Variants in SGPP2 observed in about 807,000 individuals in gnomAD.
SGPP2 encodes the protein sphingosine-1-phosphate phosphatase 2, also known as sphingosine 1-phosphate phosphohydrolase 2.
Under a neutral mutation model 33.9 loss-of-function variants are expected in SGPP2, and 30 were observed. That is an observed-to-expected ratio of 0.89 (90% CI 0.66 to 1.20). SGPP2 has a LOEUF of 1.20. SGPP2 is among the 50% of genes most tolerant of loss of function. The pLI is 0.00. For synonymous variants in SGPP2, 233 were observed against 225.0 expected, an observed-to-expected ratio of 1.04 and a Z score of -0.32; for missense variants, 458 against 532.1, an observed-to-expected ratio of 0.86 and a Z score of 1.37.
chr2:222,551,810 G>A (rs1689299670), intron 4 of SGPP2, among the ~76,000 whole-genome samples: 1 of 152,184 alleles, frequency 6.6e-6, no homozygotes, highest in African/African-American at 2.4e-5. Flanking sequence ...AATTACAAAG[G>A]AAGACAAAGG....
At position 222,506,760 on chromosome 2, in the gene SGPP2, C is replaced by G. The variant is rs548261954; in HGVS notation, c.379-15007C>G. ...TTGCACAAAGGTCAGTTGTATATTA[C>G]AAAACATAACTAACGATCAGATCAT... is the stretch of plus-strand genomic sequence containing the variant. On this transcript the variant is annotated intron_variant, in intron 2 of 4. Coordinates refer to ENST00000321276, the MANE Select transcript of SGPP2 (RefSeq NM_152386.4). Among the ~76,000 whole-genome samples, 3 of 152,060 alleles carry G rather than the reference C, an allele frequency of 2.0e-5. No individual in the cohort carries two copies. The South Asian group carries it at 6.2e-4, about 32-fold the overall frequency.
In SGPP2 at chr2:222,452,648, G is replaced by A. The variant is rs1697510030; in HGVS notation, c.220-21920G>A. 11 of 1,378,976 alleles carry A rather than the reference G, an allele frequency of 8.0e-6. No individual in the cohort carries two copies. In the East Asian group the frequency reaches 2.3e-4, roughly 29 times the overall value. The allele number at this position is 1,378,976 out of a possible 1,614,324, so 85.4% of individuals were successfully genotyped here. ...GGGTGCACCAGGTCTGAGTGTTCCA[G>A]GAGTAGTTGCTCCAGGACTGGATGT... On this transcript the variant is annotated intron_variant, in intron 1 of 4. Coordinates refer to ENST00000321276, the MANE Select transcript of SGPP2 (RefSeq NM_152386.4).
At chr2:222,533,422 C>G (rs1698867543) in intron 4 of SGPP2, among the ~76,000 whole-genome samples, 1 of 152,196 alleles carries the variant, frequency 6.6e-6, no homozygotes, top group Non-Finnish European at 1.5e-5. Context: ...GAAATGCAAC[C>G]TGGGAGCCAC....
At chr2:222,501,736 C>T (rs191513548) in intron 2 of SGPP2, among the ~76,000 whole-genome samples, 3 of 152,238 alleles carry the variant, frequency 2.0e-5, no homozygotes, top group South Asian at 2.1e-4. Context: ...GATCTCTACC[C>T]CAAGATATAC....
At chr2:222,487,705 C>T (rs928378829) in intron 2 of SGPP2, among the ~76,000 whole-genome samples, 7 of 152,206 alleles carry the variant, frequency 4.6e-5, no homozygotes, top group East Asian at 1.9e-4. Context: ...GGTGGCAGTG[C>T]GCTGGCAACA....
At chr2:222,496,481 C>T (rs2106114465) in intron 2 of SGPP2, among the ~76,000 whole-genome samples, 1 of 152,314 alleles carries the variant, frequency 6.6e-6, no homozygotes, top group African/African-American at 2.4e-5. Context: ...ATCAGTCTCC[C>T]TCGAGCTAGT....
chr2:222,426,209 CAAAAAAA>C (rs59881994), intron 1 of SGPP2, among the ~76,000 whole-genome samples: 251 of 58,762 alleles, frequency 4.3e-3, no homozygotes, highest in African/African-American at 0.014. Context: ...GACTCCGTCT[CAAAAAAA>C]AAAAAAAAAA....
intron 1 of SGPP2, among the ~76,000 whole-genome samples, chr2:222,431,209 T>C (rs936756600): frequency 1.4e-4 from 21 of 152,032 alleles, no homozygotes; most frequent in Admixed American, 1.4e-3. Flanking sequence ...AAAAGTCTAT[T>C]TAGGCCAGGC....
chr2:222,469,261 G>A (rs1176262280), intron 1 of SGPP2, among the ~76,000 whole-genome samples: 4 of 152,026 alleles, frequency 2.6e-5, no homozygotes, highest in Non-Finnish European at 4.4e-5. Context: ...TCGGCTCACC[G>A]CAACCTCCGC....
At chr2:222,543,523 A>G (rs1689117081) in intron 4 of SGPP2, among the ~76,000 whole-genome samples, 1 of 152,258 alleles carries the variant, frequency 6.6e-6, no homozygotes, top group Non-Finnish European at 1.5e-5. Context: ...ATTAACAACA[A>G]CAACCAATAA....
At chr2:222,512,083 T>G (rs535710404) in intron 2 of SGPP2, among the ~76,000 whole-genome samples, 3 of 152,104 alleles carry the variant, frequency 2.0e-5, no homozygotes, top group African/African-American at 7.2e-5. Context: ...GGTGTGATCT[T>G]GGCTCACTGC....
intron 2 of SGPP2, among the ~76,000 whole-genome samples, chr2:222,503,211 G>A (rs1019074587): frequency 1.3e-5 from 2 of 152,220 alleles, no homozygotes; most frequent in Non-Finnish European, 2.9e-5. Context: ...CAAAAAGGGT[G>A]AAAACCAAGA....
intron 1 of SGPP2, among the ~76,000 whole-genome samples, chr2:222,442,988 G>A (rs1165912611): frequency 1.3e-5 from 2 of 152,138 alleles, no homozygotes; most frequent in African/African-American, 4.8e-5. Context: ...AGTAAGGAAT[G>A]CCTCCGAAGT....
chr2:222,479,663 A>C (rs1251696295), intron 2 of SGPP2, among the ~76,000 whole-genome samples: 1 of 151,892 alleles, frequency 6.6e-6, no homozygotes, highest in Non-Finnish European at 1.5e-5. Flanking sequence ...TCAGCCTCCC[A>C]AAGTGCTGGG....
chr2:222,515,921 G>A (rs771332398), intron 2 of SGPP2, among the ~76,000 whole-genome samples: 48 of 152,190 alleles, frequency 3.2e-4, no homozygotes, highest in Non-Finnish European at 6.3e-4. Flanking sequence ...GGTAGCGCGT[G>A]ACTGTAGTCC....
intron 4 of SGPP2, among the ~76,000 whole-genome samples, chr2:222,540,751 C>T (rs1698982552): frequency 6.6e-6 from 1 of 151,974 alleles, no homozygotes; most frequent in Admixed American, 6.6e-5. Flanking sequence ...AACATGGGAG[C>T]CCAGGCCAGA....
At chr2:222,500,779 G>A (rs560664011) in intron 2 of SGPP2, among the ~76,000 whole-genome samples, 18 of 152,220 alleles carry the variant, frequency 1.2e-4, no homozygotes, top group South Asian at 1.0e-3. Flanking sequence ...TTTTATGCTC[G>A]TGCATTTCCT....
chr2:222,469,741 T>C (rs1697809684), intron 1 of SGPP2, among the ~76,000 whole-genome samples: 1 of 152,202 alleles, frequency 6.6e-6, no homozygotes. Flanking sequence ...CAAAGATGTA[T>C]TGAAGTCACA....
intron 2 of SGPP2, chr2:222,498,434 C>T (rs572285875): frequency 6.6e-6 from 1 of 152,142 alleles, no homozygotes; most frequent in East Asian, 1.9e-4. Context: ...TTTGAAGAAG[C>T]CAACATGGTC....
Sources: gnomAD v4.1 joint callset for allele counts (sites outside exome capture counted in the v4.1 genomes callset) on GRCh38, gnomAD v4.1.1 for gene constraint, MANE v1.5 for transcripts, NCBI Gene and HGNC (gene_info 2026-07-23, HGNC 2026-07-21) for gene names.